Variants in STARD13 observed in about 807,000 individuals in gnomAD.
The protein encoded by STARD13 is StAR related lipid transfer domain containing 13.
Under a neutral mutation model 106.4 loss-of-function variants are expected in STARD13, and 62 were observed. That is an observed-to-expected ratio of 0.58 (90% CI 0.48 to 0.72). The LOEUF (loss-of-function observed/expected upper bound fraction) is 0.72, where lower values mean the gene tolerates loss of function less well. Among genes scored for constraint, STARD13 ranks in the 30% least tolerant of loss-of-function variants. STARD13 has a pLI of 0.00. For synonymous variants in STARD13, 565 were observed against 553.0 expected (o/e 1.02, Z -0.31); for missense variants, 1,387 against 1,424.0 (o/e 0.97, Z 0.42).
intron 1 of STARD13, among the ~76,000 whole-genome samples, chr13:33,179,678 TC>T: frequency 6.6e-6 from 1 of 152,284 alleles, no homozygotes; most frequent in African/African-American, 2.4e-5. Context: ...CCTGTAGGTC[TC>T]TAAACCAAGC....
At chr13:33,646,077 C>T in the STARD13 span, among the ~76,000 whole-genome samples, 2 of 152,134 alleles carry the variant, frequency 1.3e-5, no homozygotes, top group African/African-American at 2.4e-5. Flanking sequence ...AATGCAAAAT[C>T]AGTTAATCTG....
At chr13:33,506,422 C>A in the STARD13 span, among the ~76,000 whole-genome samples, 4 of 152,116 alleles carry the variant, frequency 2.6e-5, no homozygotes, top group African/African-American at 9.7e-5. Context: ...TTGTCAACAA[C>A]ATAACTCCAG....
chr13:33,421,057 G>A, the STARD13 span, among the ~76,000 whole-genome samples: 1 of 152,138 alleles, frequency 6.6e-6, no homozygotes, highest in Non-Finnish European at 1.5e-5. Flanking sequence ...AGAAGCAAGA[G>A]CAAACACATT....
chr13:33,138,588 C>T (rs572566929), intron 4 of STARD13: 10 of 206,292 alleles, frequency 4.8e-5, no homozygotes, highest in Admixed American at 1.8e-4. Context: ...CAAAAGGCAA[C>T]GCATCCATAG....
upstream of STARD13, among the ~76,000 whole-genome samples, chr13:33,354,893 T>G (rs1228796408): frequency 6.6e-6 from 1 of 152,022 alleles, no homozygotes; most frequent in African/African-American, 2.4e-5. Flanking sequence ...TTTTATTTTT[T>G]TCCTTGCATA....
intron 12 of STARD13, among the ~76,000 whole-genome samples, chr13:33,107,696 T>C (rs1310526361): frequency 6.6e-6 from 1 of 151,940 alleles, no homozygotes; most frequent in Non-Finnish European, 1.5e-5. Context: ...TGTTCAGAAA[T>C]GAAATGTGCT....
chr13:33,581,107 T>C, the STARD13 span, among the ~76,000 whole-genome samples: 2 of 152,168 alleles, frequency 1.3e-5, no homozygotes, highest in Non-Finnish European at 2.9e-5. Context: ...GAAATTAGCC[T>C]TTTTCTCATG....
rs112098470 is a variant in STARD13 at position 33,169,079 on chromosome 13, G to T, written c.170-1457C>A. Among the ~76,000 whole-genome samples the T allele has an allele frequency of 2.5e-3, 380 of 152,288 alleles. 4 individuals carry two copies. Among genetic ancestry groups the T allele is most frequent in the African/African-American group, 8.7e-3 (362 of 41,546 alleles). On this transcript the variant is annotated intron_variant, in intron 1 of 13. Coordinates refer to ENST00000336934, the MANE Select transcript of STARD13 (RefSeq NM_178006.4). The stretch of plus-strand genomic sequence containing the variant: ...TTGTGTGAGGGTTTTCCACTTAAGT[G>T]TGACCAGCATGTTCCTACCATGTAC...
At chr13:33,334,330 A>G (rs1273701090) in intron 1 of STARD13, among the ~76,000 whole-genome samples, 1 of 152,204 alleles carries the variant, frequency 6.6e-6, no homozygotes, top group Non-Finnish European at 1.5e-5. Flanking sequence ...TGAGACAAGG[A>G]CCAGATTGAA....
the STARD13 span, among the ~76,000 whole-genome samples, chr13:33,494,930 C>A: frequency 5.3e-5 from 8 of 152,098 alleles, no homozygotes; most frequent in African/African-American, 1.9e-4. Context: ...CCAAAAGACT[C>A]TACTTAGGGT....
chr13:33,599,621 C>A, the STARD13 span, among the ~76,000 whole-genome samples: 166 of 152,024 alleles, frequency 1.1e-3, 3 homozygotes, highest in East Asian at 0.028. Context: ...CACAAGAAGG[C>A]CTTTTTAAGG....
chr13:33,200,327 G>A (rs757352095), intron 1 of STARD13, among the ~76,000 whole-genome samples: 54 of 152,272 alleles, frequency 3.5e-4, no homozygotes, highest in Admixed American at 1.4e-3. Context: ...TGACCTATTC[G>A]TCCCTGTGCC....
chr13:33,592,250 G>A, the STARD13 span, among the ~76,000 whole-genome samples: 3 of 152,234 alleles, frequency 2.0e-5, no homozygotes, highest in East Asian at 1.9e-4. Context: ...TTTTCCATGC[G>A]TATGAATCAA....
chr13:33,384,484 A>G, the STARD13 span, among the ~76,000 whole-genome samples: 1 of 152,230 alleles, frequency 6.6e-6, no homozygotes, highest in Non-Finnish European at 1.5e-5. Flanking sequence ...ATGCTTTTGA[A>G]TCACGTCATT....
At chr13:33,393,569 C>T in the STARD13 span, among the ~76,000 whole-genome samples, 5 of 152,114 alleles carry the variant, frequency 3.3e-5, no homozygotes, top group African/African-American at 1.2e-4. Flanking sequence ...TCTGAAAGTA[C>T]TTTGTCAACT....
At chr13:33,168,710 C>T (rs903441609) in intron 1 of STARD13, among the ~76,000 whole-genome samples, 20 of 146,632 alleles carry the variant, frequency 1.4e-4, no homozygotes, top group African/African-American at 5.1e-4. Flanking sequence ...TTCTTGGGAT[C>T]ACTGCACAGA....
the STARD13 span, among the ~76,000 whole-genome samples, chr13:33,483,523 T>C: frequency 6.6e-6 from 1 of 152,204 alleles, no homozygotes. Context: ...TTGAAACTTA[T>C]ATTTGTCTCA....
chr13:33,491,325 A>T, the STARD13 span, among the ~76,000 whole-genome samples: 3 of 152,224 alleles, frequency 2.0e-5, no homozygotes, highest in Admixed American at 2.0e-4. Context: ...ATAAAATTGA[A>T]AACATTGATG....
At chr13:33,587,711 G>T in the STARD13 span, among the ~76,000 whole-genome samples, 45 of 152,188 alleles carry the variant, frequency 3.0e-4, no homozygotes, top group South Asian at 4.1e-4. Flanking sequence ...TCCAGCCAAT[G>T]CGTCTGAATC....
Sources: gnomAD v4.1 joint callset for allele counts (sites outside exome capture counted in the v4.1 genomes callset) on GRCh38, gnomAD v4.1.1 for gene constraint, MANE v1.5 for transcripts, NCBI Gene and HGNC (gene_info 2026-07-23, HGNC 2026-07-21) for gene names.